Variants in KIF16B observed in about 807,000 individuals in gnomAD.
KIF16B encodes kinesin family member 16B, also known as kinesin-like protein KIF16B.
Under a neutral mutation model 156.3 loss-of-function variants are expected in KIF16B, and 98 were observed. The observed-to-expected ratio is 0.63, with a 90% CI of 0.53 to 0.74. KIF16B has a LOEUF of 0.74. Among genes scored for constraint, KIF16B ranks in the 30% least tolerant of loss-of-function variants. The pLI is 0.00. For missense variants in KIF16B, 1,421 were observed against 1,606.5 expected (o/e 0.88, Z 1.97); for synonymous variants, 564 against 583.7 (o/e 0.97, Z 0.49).
chr20:16,329,682 A>C (rs1391133381), intron 24 of KIF16B, among the ~76,000 whole-genome samples: 2 of 152,242 alleles, frequency 1.3e-5, no homozygotes, highest in African/African-American at 2.4e-5. Context: ...GAAGGGGAAC[A>C]GAAAATGAAT....
chr20:16,414,189 T>C lies in KIF16B; in HGVS notation c.1613-7733A>G, dbSNP rs140011192. 8.5e-5 allele frequency among the ~76,000 whole-genome samples: 13 copies of C among 152,158 alleles called. No homozygotes were observed. The East Asian group carries it at 2.5e-3, about 29-fold the overall frequency. On this transcript the variant is annotated intron_variant, in intron 15 of 25. Coordinates refer to ENST00000354981, the MANE Select transcript of KIF16B (RefSeq NM_024704.5). ...ACTTTTTCTCTATATCAAAAATGGCTTTAGGAAGCTAGATAGGAAAAGATG... is the reference window on the plus strand; with the variant it reads ...ACTTTTTCTCTATATCAAAAATGGCCTTAGGAAGCTAGATAGGAAAAGATG...
intron 12 of KIF16B, among the ~76,000 whole-genome samples, chr20:16,465,949 A>C (rs1252443504): frequency 1.3e-5 from 2 of 152,186 alleles, no homozygotes; most frequent in Non-Finnish European, 2.9e-5. Flanking sequence ...GTAGGCACAA[A>C]AAAGTTACTT....
At chr20:16,292,698 G>A (rs2063330842) in intron 25 of KIF16B, among the ~76,000 whole-genome samples, 1 of 152,090 alleles carries the variant, frequency 6.6e-6, no homozygotes, top group Non-Finnish European at 1.5e-5. Context: ...GCATGAGACA[G>A]ACAGTGGTTC....
intron 21 of KIF16B, among the ~76,000 whole-genome samples, chr20:16,371,207 T>C (rs966326817): frequency 2.0e-5 from 3 of 152,226 alleles, no homozygotes; most frequent in Non-Finnish European, 4.4e-5. Flanking sequence ...AATATTTTTT[T>C]CTAGAACATT....
chr20:16,300,233 C>A (rs1568829241), intron 25 of KIF16B, among the ~76,000 whole-genome samples: 1 of 152,134 alleles, frequency 6.6e-6, no homozygotes, highest in African/African-American at 2.4e-5. Flanking sequence ...TTGGGAAGAA[C>A]AAGTGAATAA....
At chr20:16,403,173 G>A (rs1258716450) in intron 17 of KIF16B, among the ~76,000 whole-genome samples, 1 of 152,176 alleles carries the variant, frequency 6.6e-6, no homozygotes, top group African/African-American at 2.4e-5. Context: ...ACTGGGTCCT[G>A]GGCCAGGAGA....
intron 22 of KIF16B, chr20:16,368,431 T>A (rs2064732634): frequency 8.1e-6 from 8 of 986,622 alleles, no homozygotes; most frequent in Non-Finnish European, 9.6e-6. Flanking sequence ...TGGGGCTAAG[T>A]GCTTCAGAAA....
At chr20:16,567,427 G>A (rs556759776) in intron 1 of KIF16B, among the ~76,000 whole-genome samples, 9 of 152,164 alleles carry the variant, frequency 5.9e-5, no homozygotes, top group African/African-American at 9.6e-5. Context: ...CATCTCAACC[G>A]TACACAGATT....
intron 22 of KIF16B, chr20:16,367,819 C>G (rs755300640): frequency 6.2e-7 from 1 of 1,611,374 alleles, no homozygotes. Context: ...CAGGAGGTCA[C>G]GACACAGCTG....
chr20:16,279,763 C>T (rs2122308156), intron 25 of KIF16B, among the ~76,000 whole-genome samples: 1 of 152,290 alleles, frequency 6.6e-6, no homozygotes, highest in Non-Finnish European at 1.5e-5. Flanking sequence ...CTACACATAG[C>T]CCAATCTTTA....
At chr20:16,404,932 C>T in intron 16 of KIF16B, 31 bp from the exon 17 acceptor site, 1 of 1,547,530 alleles carries the variant, frequency 6.5e-7, no homozygotes, top group South Asian at 1.1e-5. Flanking sequence ...GAGTGGTTAC[C>T]TTAGCAGAGA....
intron 12 of KIF16B, among the ~76,000 whole-genome samples, chr20:16,462,854 A>T (rs2067384588): frequency 6.6e-6 from 1 of 152,230 alleles, no homozygotes; most frequent in Non-Finnish European, 1.5e-5. Context: ...AGCCAAGCAC[A>T]TTCGACATGG....
chr20:16,346,764 T>C (rs897619347), intron 23 of KIF16B, among the ~76,000 whole-genome samples: 1 of 152,168 alleles, frequency 6.6e-6, no homozygotes, highest in African/African-American at 2.4e-5. Context: ...AAGTACAAGA[T>C]TGTCACTGAT....
At chr20:16,321,184 A>G (rs1236708691) in intron 24 of KIF16B, among the ~76,000 whole-genome samples, 12 of 152,138 alleles carry the variant, frequency 7.9e-5, no homozygotes, top group Admixed American at 7.9e-4. Context: ...TTAAATGGTA[A>G]CATTAATCAT....
intron 25 of KIF16B, among the ~76,000 whole-genome samples, chr20:16,282,379 AAC>A (rs2063160337): frequency 6.6e-6 from 1 of 152,104 alleles, no homozygotes; most frequent in African/African-American, 2.4e-5. Flanking sequence ...TGTGCCAAGT[AAC>A]ACAGTCCTGC....
chr20:16,309,170 G>A (rs1300644193), intron 25 of KIF16B, among the ~76,000 whole-genome samples: 1 of 152,200 alleles, frequency 6.6e-6, no homozygotes, highest in Non-Finnish European at 1.5e-5. Context: ...TTGAGCATGA[G>A]ATGTAAAGCA....
rs145845523 is a variant in KIF16B, at chr20:16,374,326, C to T, written c.3281G>A (p.Gly1094Glu). 3 of 1,605,038 alleles carry T rather than the reference C, an allele frequency of 1.9e-6. No individual in the cohort carries two copies. Among genetic ancestry groups the T allele is most frequent in the Non-Finnish European group, 2.6e-6 (3 of 1,174,588 alleles). The change falls in exon 20 of 26, where the codon GGG becomes GAG. Residue 1094 changes from glycine to glutamate, a missense_variant. Coordinates refer to ENST00000354981, the MANE Select transcript of KIF16B (RefSeq NM_024704.5). ...VQKDHHGTLE[G>E]KVASSSLPVS... Reference sequence around the variant, plus strand: ...TGGCAAGCTGGAAGAAGCCACCTTCCCTTCCAGGGTCCCATGATGATCTTT... The same window carrying T: ...TGGCAAGCTGGAAGAAGCCACCTTCTCTTCCAGGGTCCCATGATGATCTTT...
At chr20:16,409,979 A>AGG (rs1246903252) in intron 15 of KIF16B, among the ~76,000 whole-genome samples, 1,898 of 70,628 alleles carry the variant, frequency 0.027, 174 homozygotes, top group Non-Finnish European at 0.031. Flanking sequence ...ACATATATAT[A>AGG]TATATATATA....
At chr20:16,275,774 G>A (rs990617572) in intron 25 of KIF16B, among the ~76,000 whole-genome samples, 1 of 152,214 alleles carries the variant, frequency 6.6e-6, no homozygotes. Flanking sequence ...GAGGGGCAAA[G>A]AGAGACCTGA....
Sources: gnomAD v4.1 joint callset for allele counts (sites outside exome capture counted in the v4.1 genomes callset) on GRCh38, gnomAD v4.1.1 for gene constraint, MANE v1.5 for transcripts, NCBI Gene and HGNC (gene_info 2026-07-23, HGNC 2026-07-21) for gene names.